Variants in CX3CR1 observed in about 807,000 individuals in gnomAD.
The protein encoded by CX3CR1 is C-X3-C motif chemokine receptor 1.
For missense variants in CX3CR1, 363 were observed against 432.4 expected (o/e 0.84, Z 1.42); for synonymous variants, 168 against 178.5 (o/e 0.94, Z 0.47).
intron 1 of CX3CR1, among the ~76,000 whole-genome samples, chr3:39,275,023 A>G (rs2040823190): frequency 6.6e-6 from 1 of 151,982 alleles, no homozygotes; most frequent in Non-Finnish European, 1.5e-5. Context: ...CACCATGCCC[A>G]GCTAATTTTT....
At position 39,265,621 on chromosome 3, in the gene CX3CR1, CA is replaced by C. The variant is rs2040684590; in HGVS notation, c.888del (p.Glu298ArgfsTer41). 6.2e-7 allele frequency: 1 copy of C among 1,614,060 alleles called. No individual in the cohort carries two copies. Among genetic ancestry groups the C allele is most frequent in the Non-Finnish European group, 8.5e-7 (1 of 1,180,034 alleles). ...CCLNPLIYAF[A>X]GEKFRRYLYH... is the part of the protein sequence containing the mutation. ...TAAAGGTATCTTCTGAACTTCTCCC[CA>C]GCAAATGCATAGATGAGAGGATTCA... On this transcript the variant is annotated frameshift_variant, in exon 2 of 2. Coordinates refer to ENST00000399220, the MANE Select transcript of CX3CR1 (RefSeq NM_001337.4). LOFTEE classifies it low-confidence loss of function (END_TRUNC).
chr3:39,282,052 C>T (rs1376479497), upstream of CX3CR1, among the ~76,000 whole-genome samples: 3 of 152,152 alleles, frequency 2.0e-5, no homozygotes, highest in East Asian at 3.9e-4. Context: ...GGGTAACGTG[C>T]CATTTTATAG....
upstream of CX3CR1, among the ~76,000 whole-genome samples, chr3:39,283,794 A>AC (rs1491387968): frequency 1.7e-5 from 1 of 58,340 alleles, no homozygotes; most frequent in African/African-American, 5.9e-5. Context: ...AAAAAAAAAA[A>AC]TTATATATAT....
chr3:39,264,573 A>AT lies in CX3CR1; in HGVS notation c.*868dup, dbSNP rs2040667834. On this transcript the variant is annotated 3_prime_UTR_variant, in exon 2 of 2. Transcript: ENST00000399220. ...GGAGTCCTTTGGGAAGGAGGAGGCA[A>AT]TGGGGAATCTATTGGTAGGACCCCA... The AT allele has an allele frequency of 2.0e-5, 3 of 152,268 alleles. No homozygotes were observed. Among genetic ancestry groups the AT allele is most frequent in the Non-Finnish European group, 4.4e-5 (3 of 68,068 alleles). 9.4% of individuals were successfully genotyped at this position (152,268 alleles called of 1,614,324 possible). A position where few individuals can be genotyped will look rare whatever the true frequency, so the allele number is the denominator to read the frequency against.
In CX3CR1 at chr3:39,265,813, T is replaced by C; in HGVS notation, c.697A>G (p.Ile233Val). The C allele has an allele frequency of 6.2e-7, 1 of 1,614,050 alleles. No individual in the cohort carries two copies. The highest frequency in any genetic ancestry group is 1.3e-5 in the African/African-American group (1 of 75,014). The change falls in exon 2 of 2, where the codon ATC becomes GTC. Residue 233 changes from isoleucine (I) to valine (V), a missense_variant. Physicochemically the swap from Ile to Val is conservative, Grantham distance 29. Transcript: ENST00000399220. ...NHKKAKAIKL[I>V]LLVVIVFFLF... is the part of the protein sequence containing the mutation. ...AAAAACACGATGACCACCAGAAGGA[T>C]CAGTTTAATGGCTTTGGCTTTCTTG...
At chr3:39,291,898 C>T in the CX3CR1 span, among the ~76,000 whole-genome samples, 1 of 152,224 alleles carries the variant, frequency 6.6e-6, no homozygotes, top group African/African-American at 2.4e-5. Context: ...ACAGCAGATG[C>T]CTTCGGGGTC....
At chr3:39,284,724 G>A (rs956405387), upstream of CX3CR1, among the ~76,000 whole-genome samples, 1 of 152,128 alleles carries the variant, frequency 6.6e-6, no homozygotes, top group Non-Finnish European at 1.5e-5. Flanking sequence ...TCCATTTTCA[G>A]ATGATGAAAT....
At chr3:39,269,014 T>G (rs943899618) in intron 1 of CX3CR1, among the ~76,000 whole-genome samples, 2 of 152,194 alleles carry the variant, frequency 1.3e-5, no homozygotes, top group Non-Finnish European at 2.9e-5. Flanking sequence ...CACTTTATTT[T>G]TTTTTCCCCC....
In CX3CR1 at chr3:39,265,133, A is replaced by T; in HGVS notation, c.*309T>A. On this transcript the variant is annotated 3_prime_UTR_variant, in exon 2 of 2. Transcript: ENST00000399220. ...CAGACACCCTTTTGCTTGTGCCACA[A>T]TATGAACAATATTCACCACCCTCAT... 2 of 258,776 alleles carry T rather than the reference A, an allele frequency of 7.7e-6. No individual in the cohort carries two copies. Among genetic ancestry groups the T allele is most frequent in the Non-Finnish European group, 7.3e-6 (1 of 136,530 alleles). The allele number at this position is 258,776 out of a possible 1,614,324, so 16.0% of individuals were successfully genotyped here.
At chr3:39,291,149 C>T in the CX3CR1 span, among the ~76,000 whole-genome samples, 596 of 151,636 alleles carry the variant, frequency 3.9e-3, 2 homozygotes, top group Middle Eastern at 0.01. Flanking sequence ...CTCCACCTCC[C>T]GGGTTCAAGC....
upstream of CX3CR1, chr3:39,280,279 G>A (rs9813187): frequency 0.19 from 191,120 of 985,542 alleles, 19,327 homozygotes; most frequent in Non-Finnish European, 0.21. Flanking sequence ...CAGGGAGCAG[G>A]CCCTGCAGTC....
upstream of CX3CR1, among the ~76,000 whole-genome samples, chr3:39,284,248 G>T (rs983803398): frequency 1.3e-5 from 2 of 151,894 alleles, no homozygotes; most frequent in African/African-American, 4.8e-5. Context: ...GCTGAGGTCC[G>T]CCTCCTGGGT....
At chr3:39,279,100 G>A (rs1038978497) in intron 1 of CX3CR1, among the ~76,000 whole-genome samples, 4 of 152,122 alleles carry the variant, frequency 2.6e-5, no homozygotes, top group African/African-American at 9.7e-5. Flanking sequence ...AGAGGTTGCA[G>A]TGAGCCGAGA....
chr3:39,280,620 A>T (rs1260511050), upstream of CX3CR1, among the ~76,000 whole-genome samples: 1 of 151,948 alleles, frequency 6.6e-6, no homozygotes, highest in Non-Finnish European at 1.5e-5. Context: ...CTCGGTAAAT[A>T]TTTTTTTCCT....
chr3:39,290,989 C>T, the CX3CR1 span, among the ~76,000 whole-genome samples: 1 of 152,046 alleles, frequency 6.6e-6, no homozygotes, highest in Non-Finnish European at 1.5e-5. Context: ...CCACAGGTAG[C>T]TGCCCTATGC....
upstream of CX3CR1, chr3:39,281,487 AC>A: frequency 1.1e-6 from 1 of 889,980 alleles, no homozygotes; most frequent in Middle Eastern, 2.2e-4. Context: ...AGTCTCATCC[AC>A]CCCACATCAG....
upstream of CX3CR1, among the ~76,000 whole-genome samples, chr3:39,283,640 C>T (rs1364419927): frequency 4.0e-5 from 6 of 150,876 alleles, no homozygotes; most frequent in East Asian, 4.0e-4. Flanking sequence ...ATTAGCCAGG[C>T]GTGGTGGCGG....
chr3:39,287,207 A>G, the CX3CR1 span: 1 of 152,174 alleles, frequency 6.6e-6, no homozygotes, highest in African/African-American at 2.4e-5. Flanking sequence ...AAATATCAAT[A>G]TTTATTTCTG....
intron 1 of CX3CR1, 157 bp from the exon 2 acceptor site, chr3:39,266,675 C>T (rs1436853014): frequency 2.5e-6 from 2 of 800,180 alleles, no homozygotes; most frequent in East Asian, 4.8e-5. Context: ...GTTTAATCCC[C>T]ACAACAGTCT....
Sources: gnomAD v4.1 joint callset for allele counts (sites outside exome capture counted in the v4.1 genomes callset) on GRCh38, gnomAD v4.1.1 for gene constraint, MANE v1.5 for transcripts, NCBI Gene and HGNC (gene_info 2026-07-23, HGNC 2026-07-21) for gene names.